Variants in TMPO observed in about 807,000 individuals in gnomAD.
TMPO encodes LEM domain containing 4.
In TMPO, 22 loss-of-function variants were observed where a neutral mutation model predicts 45.4. That is an observed-to-expected ratio of 0.48 (90% CI 0.35 to 0.69). TMPO has a LOEUF of 0.69. Ranked by LOEUF, TMPO falls within the 30% of genes least tolerant of loss-of-function variation. The pLI is 0.01. For synonymous variants in TMPO, 241 were observed against 204.1 expected (o/e 1.18, Z -1.54); for missense variants, 512 against 548.8 (o/e 0.93, Z 0.67).
At chr12:98,544,639 T>TG (rs1491480330) in intron 6 of TMPO, 102 bp downstream of exon 6, 2 of 599,572 alleles carry the variant, frequency 3.3e-6, no homozygotes, top group East Asian at 8.2e-5. Context: ...AATTTACATG[T>TG]TTTTTTTTTT....
At position 98,549,354 on chromosome 12, in the gene TMPO, G is replaced by A. The variant is rs1347499972; in HGVS notation, c.*1496G>A. On this transcript the variant is annotated 3_prime_UTR_variant, in exon 9 of 9. Coordinates refer to ENST00000556029, the MANE Select transcript of TMPO (RefSeq NM_001032283.3). ...ATTTTCCTGCCTCGGCAGAGACGGG[G>A]TTTCACCATGTTGGCCAGGCTGGTC... The A allele has an allele frequency of 6.6e-6, 1 of 152,200 alleles. No individual in the cohort carries two copies. The highest frequency in any genetic ancestry group is 1.5e-5 in the Non-Finnish European group (1 of 68,110). 9.4% of individuals were successfully genotyped at this position (152,200 alleles called of 1,614,324 possible). A position where few individuals can be genotyped will look rare whatever the true frequency, so the allele number is the denominator to read the frequency against.
Position 98,534,201 on chromosome 12 carries a change from A to G in TMPO, c.565+2363A>G, listed in dbSNP as rs1389517795. The G allele has an allele frequency of 3.1e-6, 5 of 1,613,892 alleles. No homozygotes were observed. Among genetic ancestry groups the G allele is most frequent in the Non-Finnish European group, 4.2e-6 (5 of 1,179,922 alleles). On this transcript the variant is annotated intron_variant, in intron 3 of 8. Transcript: ENST00000556029. The stretch of plus-strand genomic sequence containing the variant: ...CCCATACCATGGGAAATGCCACTGT[A>G]GGTCGTCGATACCTCTGGCTGAAGG...
rs184125421 is a variant in TMPO, at chr12:98,521,331, C to A, written c.279+5185C>A. On this transcript the variant is annotated intron_variant, in intron 1 of 8. Transcript: ENST00000556029. ...GTTTCACTGTGTTAGCCAGGATGGT[C>A]TGGATCTCCTGATCTTCTGATCCTC... Among the ~76,000 whole-genome samples, 9 of 151,980 alleles carry A rather than the reference C, an allele frequency of 5.9e-5. No individual in the cohort carries two copies. The East Asian group carries it at 1.6e-3, about 26-fold the overall frequency.
rs372564327 is a variant in TMPO, at chr12:98,520,272, CCCTTCCTTCCTTCCTT to C, written c.279+4148_279+4163del. ...ACCGCGCCCGGCCAACCATATTTTT[CCCTTCCTTCCTTCCTT>C]CCTTCCTTCCTTCCTTCCTTCTGTG... On this transcript the variant is annotated intron_variant, in intron 1 of 8. Transcript: ENST00000556029. 1.4e-3 allele frequency among the ~76,000 whole-genome samples: 151 copies of C among 107,296 alleles called. 2 individuals are homozygous for C. The highest frequency in any genetic ancestry group is 0.012 in the East Asian group (36 of 2,996). 70.4% of individuals were successfully genotyped at this position (107,296 alleles called of 152,430 possible).
intron 1 of TMPO, among the ~76,000 whole-genome samples, chr12:98,521,792 C>T (rs527547497): frequency 4.6e-5 from 7 of 151,896 alleles, no homozygotes; most frequent in African/African-American, 9.7e-5. Flanking sequence ...TGCAGTGGCG[C>T]GATCTCGGCT....
At chr12:98,516,539 G>C (rs1269576016) in intron 1 of TMPO, 2 of 1,031,114 alleles carry the variant, frequency 1.9e-6, no homozygotes, top group East Asian at 8.1e-5. Flanking sequence ...GCGTTTTCCC[G>C]CTTTATTAAC....
chr12:98,538,040 AT>A (rs1175215656), intron 4 of TMPO, among the ~76,000 whole-genome samples: 4 of 152,180 alleles, frequency 2.6e-5, no homozygotes, highest in African/African-American at 9.7e-5. Context: ...CTTATTTCAG[AT>A]GAAAATTTAC....
chr12:98,519,027 G>A (rs1042562339), intron 1 of TMPO, among the ~76,000 whole-genome samples: 1 of 151,648 alleles, frequency 6.6e-6, no homozygotes, highest in African/African-American at 2.4e-5. Flanking sequence ...GACTACAGGC[G>A]CCCGCCACCA....
At chr12:98,518,445 C>T (rs949911635) in intron 1 of TMPO, among the ~76,000 whole-genome samples, 2 of 150,160 alleles carry the variant, frequency 1.3e-5, no homozygotes, top group Admixed American at 1.3e-4. Flanking sequence ...GGGCATGCAC[C>T]GCTACACCCG....
At position 98,516,075 on chromosome 12, in the gene TMPO, G is replaced by A. The variant is rs1356782701; in HGVS notation, c.208G>A (p.Glu70Lys). 15 of 1,604,078 alleles carry A rather than the reference G, an allele frequency of 9.4e-6. No homozygotes were observed. Among genetic ancestry groups the A allele is most frequent in the African/African-American group, 1.3e-5 (1 of 74,860 alleles). ...GCCCCCGGACTTCTCCAGTGACGAAGAGCGCGAGCCCACCCCGGTCCTCGG... is the reference window on the plus strand; with the variant it reads ...GCCCCCGGACTTCTCCAGTGACGAAAAGCGCGAGCCCACCCCGGTCCTCGG... ...KGPPDFSSDE[E>K]REPTPVLGSG... The change falls in exon 1 of 9, where the codon GAG becomes AAG. Residue 70 changes from glutamate to lysine, a missense_variant. This residue lies in a region of TMPO where 299 missense variants were observed against 296.7 expected (regional missense o/e 1.01). Transcript: ENST00000556029.
chr12:98,535,420 A>C, intron 3 of TMPO: 4 of 985,424 alleles, frequency 4.1e-6, no homozygotes, highest in Non-Finnish European at 4.8e-6. Context: ...AGCCTTAAGC[A>C]TAATAAAATA....
chr12:98,538,673 A>C (rs773092302), intron 4 of TMPO, among the ~76,000 whole-genome samples: 7 of 152,060 alleles, frequency 4.6e-5, no homozygotes, highest in Non-Finnish European at 8.8e-5. Flanking sequence ...TTTAAAATCA[A>C]ATCCTTAGAG....
chr12:98,544,968 T>C lies in TMPO; in HGVS notation c.897T>C (p.Thr299=), dbSNP rs1399611754. 3 of 1,612,952 alleles carry C rather than the reference T, an allele frequency of 1.9e-6. No homozygotes were observed. ...SNESLVVNRV[T]GNFKHASPIL... ...CTTGGCAGGTTGTCAATAGGGTGAC[T>C]GGAAATTTCAAGCATGCATCTCCTA... Residue 299 remains threonine, a synonymous_variant, in exon 7 of 9, where the codon ACT becomes ACC. Transcript: ENST00000556029.
intron 3 of TMPO, among the ~76,000 whole-genome samples, chr12:98,536,472 G>T (rs1877573678): frequency 1.3e-5 from 2 of 151,900 alleles, no homozygotes; most frequent in African/African-American, 4.8e-5. Flanking sequence ...TCCTGCCTTA[G>T]CCTCCTGAGT....
intron 1 of TMPO, among the ~76,000 whole-genome samples, chr12:98,518,869 G>C (rs754256703): frequency 4.0e-4 from 60 of 150,446 alleles, no homozygotes; most frequent in South Asian, 1.0e-3. Flanking sequence ...ATGTAAATAA[G>C]TTTTGAGTAA....
intron 3 of TMPO, chr12:98,534,763 AT>A (rs1204499940): frequency 6.9e-6 from 7 of 1,012,988 alleles, no homozygotes; most frequent in Non-Finnish European, 8.3e-6. Context: ...GTTCTTTTTG[AT>A]ACTTTTATCT....
chr12:98,522,915 G>C (rs1245529392), intron 1 of TMPO, among the ~76,000 whole-genome samples: 1 of 152,182 alleles, frequency 6.6e-6, no homozygotes, highest in Admixed American at 6.5e-5. Context: ...GTGCCCACTA[G>C]AATATATTGT....
At position 98,515,805 on chromosome 12, in the gene TMPO, A is replaced by T. The variant is rs1875735376; in HGVS notation, c.-63A>T. ...GGCAGCGCGGTCCCCGGCCAGGAGC[A>T]AGCGCGCCGGCGTGAGCGGCGGCGG... On this transcript the variant is annotated 5_prime_UTR_variant, in exon 1 of 9. Transcript: ENST00000556029. The T allele has an allele frequency of 2.6e-6, 4 of 1,565,568 alleles. No homozygotes were observed. Among genetic ancestry groups the T allele is most frequent in the East Asian group, 4.8e-5 (2 of 41,300 alleles).
In TMPO at chr12:98,541,697, T is replaced by A. The variant is rs185723306; in HGVS notation, c.664-2533T>A. On this transcript the variant is annotated intron_variant, in intron 4 of 8. Transcript: ENST00000556029. ...GCTAGGATTGCTTTTTCTTTTATTA[T>A]TTTTTAATTGTGTTGAGAGTATAAT... Among the ~76,000 whole-genome samples the A allele has an allele frequency of 5.6e-4, 86 of 152,320 alleles. 1 individual carries two copies. The highest frequency in any genetic ancestry group is 1.9e-3 in the African/African-American group (80 of 41,568).
Sources: gnomAD v4.1 joint callset for allele counts (sites outside exome capture counted in the v4.1 genomes callset) on GRCh38, gnomAD v4.1.1 for gene constraint, gnomAD v4.1.1 regional missense constraint, MANE v1.5 for transcripts, NCBI Gene and HGNC (gene_info 2026-07-23, HGNC 2026-07-21) for gene names.